Variants in GRIK1 observed in about 807,000 individuals in gnomAD.
GRIK1 encodes glutamate ionotropic receptor kainate type subunit 1.
Under a neutral mutation model 105.7 loss-of-function variants are expected in GRIK1, and 69 were observed. The observed-to-expected ratio is 0.65, with a 90% confidence interval of 0.54 to 0.80. The LOEUF (loss-of-function observed/expected upper bound fraction) is 0.80. Ranked by LOEUF, GRIK1 falls within the 30% of genes least tolerant of loss-of-function variation. The pLI is 0.00. For synonymous variants in GRIK1, 438 were observed against 431.3 expected (o/e 1.02, Z -0.19); for missense variants, 1,109 against 1,167.3 (o/e 0.95, Z 0.73).
chr21:29,908,782 A>C (rs926545724), intron 1 of GRIK1, among the ~76,000 whole-genome samples: 1 of 152,184 alleles, frequency 6.6e-6, no homozygotes, highest in Non-Finnish European at 1.5e-5. Context: ...CATTACTCAA[A>C]TGAGTATAGA....
chr21:29,587,455 GA>G lies in GRIK1; in HGVS notation c.1703del (p.Phe568SerfsTer17). ...CTGGAGACAGGGGGTTGAGGAAGGAGAAAACGCCTGGATTGGTACCATTGGG... is the reference window on the plus strand; with the variant it reads ...CTGGAGACAGGGGGTTGAGGAAGGAGAAACGCCTGGATTGGTACCATTGGG... ...RKPNGTNPGVFSFLNPLSPDI... is the reference protein window; with the variant it reads ...RKPNGTNPGVXSFLNPLSPDI... On this transcript the variant is annotated frameshift_variant, in exon 12 of 18. Transcript: ENST00000327783. LOFTEE classifies it high-confidence loss of function. 6.2e-7 allele frequency: 1 copy of G among 1,613,716 alleles called. No individual in the cohort carries two copies. The highest frequency in any genetic ancestry group is 8.5e-7 in the Non-Finnish European group (1 of 1,179,644).
intron 7 of GRIK1, among the ~76,000 whole-genome samples, chr21:29,639,675 C>T (rs118020299): frequency 0.011 from 1,744 of 152,276 alleles, 20 homozygotes; most frequent in South Asian, 0.034. Context: ...TTTAATGAAG[C>T]GTGTCAATCC....
At chr21:29,841,194 T>G (rs1377719635) in intron 1 of GRIK1, among the ~76,000 whole-genome samples, 6 of 152,198 alleles carry the variant, frequency 3.9e-5, no homozygotes, top group Non-Finnish European at 8.8e-5. Flanking sequence ...TGATGATAGC[T>G]ATAATAACTT....
chr21:29,585,908 T>C (rs2091120554), intron 12 of GRIK1, among the ~76,000 whole-genome samples: 2 of 152,140 alleles, frequency 1.3e-5, no homozygotes, highest in South Asian at 4.1e-4. Context: ...CATTTTGGAG[T>C]GAATAATTCT....
intron 1 of GRIK1, among the ~76,000 whole-genome samples, chr21:29,816,179 C>T (rs9636826): frequency 0.35 from 52,552 of 151,852 alleles, 10,635 homozygotes; most frequent in South Asian, 0.51. Flanking sequence ...AAACGGCCAA[C>T]AGGTATATGA....
chr21:29,557,363 A>G (rs190221974), intron 15 of GRIK1, among the ~76,000 whole-genome samples: 18 of 152,318 alleles, frequency 1.2e-4, no homozygotes, highest in African/African-American at 4.3e-4. Context: ...CCATTTTAGA[A>G]TGGAAGAAAT....
At chr21:29,786,849 T>A (rs2066273478) in intron 1 of GRIK1, among the ~76,000 whole-genome samples, 2 of 152,240 alleles carry the variant, frequency 1.3e-5, no homozygotes, top group African/African-American at 4.8e-5. Context: ...ATTAAACCTA[T>A]CCCCAGTAAG....
chr21:29,877,977 G>A (rs542502809), intron 1 of GRIK1, among the ~76,000 whole-genome samples: 16 of 152,172 alleles, frequency 1.1e-4, no homozygotes, highest in Non-Finnish European at 2.2e-4. Context: ...AATATAGGTG[G>A]AATGTGGGGA....
At chr21:29,886,714 TATATC>T (rs1009974464) in intron 1 of GRIK1, among the ~76,000 whole-genome samples, 3 of 152,174 alleles carry the variant, frequency 2.0e-5, no homozygotes, top group African/African-American at 7.2e-5. Flanking sequence ...CCTGGCTTAT[TATATC>T]CTTTCTTATC....
At chr21:29,634,912 G>A (rs775802485) in intron 7 of GRIK1, among the ~76,000 whole-genome samples, 2 of 152,154 alleles carry the variant, frequency 1.3e-5, no homozygotes, top group Non-Finnish European at 2.9e-5. Context: ...GTTTGTGTTC[G>A]TAAAGGGTAG....
intron 7 of GRIK1, among the ~76,000 whole-genome samples, chr21:29,606,800 C>G (rs7277087): frequency 7.1e-6 from 1 of 140,550 alleles, no homozygotes; most frequent in South Asian, 2.4e-4. Context: ...TGTTTCTTGT[C>G]TTGTCTTGTC....
At chr21:29,633,001 G>A (rs1245309077) in intron 7 of GRIK1, among the ~76,000 whole-genome samples, 1 of 152,212 alleles carries the variant, frequency 6.6e-6, no homozygotes, top group African/African-American at 2.4e-5. Flanking sequence ...ACAGTATTAA[G>A]AGGTGGGGCC....
chr21:29,836,586 A>G (rs547723672), intron 1 of GRIK1, among the ~76,000 whole-genome samples: 1 of 152,336 alleles, frequency 6.6e-6, no homozygotes, highest in East Asian at 1.9e-4. Flanking sequence ...CCTGTGAATT[A>G]TAAGTTTATA....
intron 1 of GRIK1, among the ~76,000 whole-genome samples, chr21:29,880,242 T>C (rs2069355920): frequency 6.6e-6 from 1 of 152,150 alleles, no homozygotes; most frequent in South Asian, 2.1e-4. Flanking sequence ...TTACCTTTTA[T>C]TTGTCAGCAT....
intron 1 of GRIK1, among the ~76,000 whole-genome samples, chr21:29,728,012 C>G (rs1394234165): frequency 6.6e-6 from 1 of 152,096 alleles, no homozygotes; most frequent in African/African-American, 2.4e-5. Context: ...TTGTTTAGGC[C>G]CTCAATGGGT....
intron 3 of GRIK1, among the ~76,000 whole-genome samples, chr21:29,688,807 A>G (rs1241377071): frequency 2.6e-5 from 4 of 152,152 alleles, no homozygotes; most frequent in African/African-American, 9.7e-5. Context: ...GGAGTTCACC[A>G]CCGTGAAGGT....
At chr21:29,843,413 T>C (rs558758358) in intron 1 of GRIK1, among the ~76,000 whole-genome samples, 1 of 152,342 alleles carries the variant, frequency 6.6e-6, no homozygotes, top group African/African-American at 2.4e-5. Context: ...TAACATCTGA[T>C]CTACAACGAA....
chr21:29,594,482 C>T (rs117401930), intron 9 of GRIK1, among the ~76,000 whole-genome samples: 5,033 of 151,874 alleles, frequency 0.033, 125 homozygotes, highest in Non-Finnish European at 0.05. Context: ...TAGTCATTTA[C>T]CAGTGAGAAG....
chr21:29,883,155 A>T (rs1390748883), intron 1 of GRIK1, among the ~76,000 whole-genome samples: 9 of 152,116 alleles, frequency 5.9e-5, no homozygotes, highest in Non-Finnish European at 1.0e-4. Flanking sequence ...AAGGTAACTT[A>T]ACCCATTTAG....
Sources: gnomAD v4.1 joint callset for allele counts (sites outside exome capture counted in the v4.1 genomes callset) on GRCh38, gnomAD v4.1.1 for gene constraint, MANE v1.5 for transcripts, NCBI Gene and HGNC (gene_info 2026-07-23, HGNC 2026-07-21) for gene names.